The following GPC6 variants were observed in gnomAD, a reference collection of about 807,000 sequenced individuals.
GPC6 encodes the protein glypican-6.
GPC6 carries 14 observed loss-of-function variants against 55.2 expected under a neutral mutation model. The observed-to-expected ratio is 0.25, with a 90% CI of 0.17 to 0.40. GPC6 has a LOEUF of 0.40. Among genes scored for constraint, GPC6 ranks in the 10% least tolerant of loss-of-function variants. The probability of loss-of-function intolerance (pLI) is 1.00; values close to 1 mark genes in which losing one functional copy is unlikely to be tolerated. For missense variants in GPC6, 641 were observed against 708.5 expected, an observed-to-expected ratio of 0.90 and a Z score of 1.08; for synonymous variants, 278 against 259.6, an observed-to-expected ratio of 1.07 and a Z score of -0.68.
chr13:93,574,398 G>A (rs1876559427), intron 2 of GPC6, among the ~76,000 whole-genome samples: 1 of 152,122 alleles, frequency 6.6e-6, no homozygotes, highest in South Asian at 2.1e-4. Context: ...AGGATTGCTG[G>A]CAAACACTAG....
At chr13:93,412,511 G>T (rs900263752) in intron 1 of GPC6, among the ~76,000 whole-genome samples, 1 of 152,070 alleles carries the variant, frequency 6.6e-6, no homozygotes. Flanking sequence ...TCAAAAATTA[G>T]CTGGGCATGG....
intron 1 of GPC6, among the ~76,000 whole-genome samples, chr13:93,526,636 C>T (rs1425157701): frequency 6.6e-6 from 1 of 152,006 alleles, no homozygotes; most frequent in Non-Finnish European, 1.5e-5. Context: ...TTAGGAGATG[C>T]AATGACATAG....
intron 3 of GPC6, among the ~76,000 whole-genome samples, chr13:93,918,038 G>A (rs982679416): frequency 2.6e-5 from 4 of 151,792 alleles, no homozygotes; most frequent in Non-Finnish European, 4.4e-5. Context: ...CAGAGGTTGC[G>A]GTGAGCTGAG....
intron 1 of GPC6, among the ~76,000 whole-genome samples, chr13:93,279,274 A>G (rs1393405635): frequency 1.3e-5 from 2 of 152,144 alleles, no homozygotes; most frequent in African/African-American, 4.8e-5. Context: ...TTCAATTCCC[A>G]TGTGATGTTG....
intron 2 of GPC6, among the ~76,000 whole-genome samples, chr13:93,654,999 G>C (rs1168341606): frequency 1.0e-5 from 1 of 99,562 alleles, no homozygotes; most frequent in African/African-American, 3.5e-5. Context: ...ACCATGCCCG[G>C]CTAATTTTTT....
At chr13:94,082,139 T>C (rs7982039) in intron 4 of GPC6, among the ~76,000 whole-genome samples, 28,424 of 151,854 alleles carry the variant, frequency 0.19, 2,803 homozygotes, top group South Asian at 0.25. Flanking sequence ...CTGCGCCCGG[T>C]CTACTTTCCC....
At chr13:93,444,294 C>T (rs1001944661) in intron 1 of GPC6, among the ~76,000 whole-genome samples, 17 of 144,168 alleles carry the variant, frequency 1.2e-4, no homozygotes, top group African/African-American at 4.1e-4. Context: ...TATTAAGAGA[C>T]AAGAAATTGA....
intron 4 of GPC6, among the ~76,000 whole-genome samples, chr13:94,279,156 T>G (rs139148574): frequency 0.026 from 3,925 of 152,306 alleles, 74 homozygotes; most frequent in Non-Finnish European, 0.043. Flanking sequence ...CTTCCTGGTT[T>G]AGTCTTGGGA....
chr13:94,266,866 A>G (rs1891834468), intron 4 of GPC6, among the ~76,000 whole-genome samples: 1 of 152,224 alleles, frequency 6.6e-6, no homozygotes, highest in Non-Finnish European at 1.5e-5. Flanking sequence ...AGTGAAGTCA[A>G]GAGTTGAGAA....
At chr13:94,195,240 G>C (rs1889532959) in intron 4 of GPC6, among the ~76,000 whole-genome samples, 1 of 152,090 alleles carries the variant, frequency 6.6e-6, no homozygotes, top group African/African-American at 2.4e-5. Flanking sequence ...TCTTCCAGCA[G>C]TTTCTTCCTA....
At chr13:94,017,098 G>A (rs1458832206) in intron 3 of GPC6, among the ~76,000 whole-genome samples, 1 of 152,130 alleles carries the variant, frequency 6.6e-6, no homozygotes, top group African/African-American at 2.4e-5. Context: ...CTCCCAAAGT[G>A]CTGGAATTAC....
chr13:93,667,331 A>T (rs1206637715), intron 2 of GPC6, among the ~76,000 whole-genome samples: 3 of 152,154 alleles, frequency 2.0e-5, no homozygotes, highest in Non-Finnish European at 4.4e-5. Flanking sequence ...AGACGATGTA[A>T]ATCAAAGAGA....
chr13:94,288,866 AT>A (rs1275993330), intron 5 of GPC6, among the ~76,000 whole-genome samples: 6 of 48,516 alleles, frequency 1.2e-4, no homozygotes, highest in Non-Finnish European at 2.2e-4. Flanking sequence ...AAATATATAT[AT>A]TTGTTATATA....
chr13:93,417,187 G>A (rs1197733139), intron 1 of GPC6, among the ~76,000 whole-genome samples: 1 of 152,072 alleles, frequency 6.6e-6, no homozygotes, highest in Non-Finnish European at 1.5e-5. Flanking sequence ...TCACTTATAT[G>A]TATGGCTTTC....
intron 3 of GPC6, among the ~76,000 whole-genome samples, chr13:93,957,206 T>C (rs1594619538): frequency 6.6e-6 from 1 of 152,322 alleles, no homozygotes; most frequent in Middle Eastern, 3.4e-3. Context: ...TAAATATTAA[T>C]AGAAATAAAC....
chr13:93,793,451 C>T lies in GPC6; in HGVS notation c.320-36703C>T, dbSNP rs565423774. ...TTAAATAAATTTTAAAGCCCCTTGC[C>T]TTGAAATATATTTCAGAATATCACT... On this transcript the variant is annotated intron_variant, in intron 2 of 8. Coordinates refer to ENST00000377047, the MANE Select transcript of GPC6 (RefSeq NM_005708.5). 4.6e-5 allele frequency among the ~76,000 whole-genome samples: 7 copies of T among 151,492 alleles called. No individual in the cohort carries two copies. In the South Asian group the frequency reaches 1.5e-3, roughly 32 times the overall value.
In GPC6 at chr13:93,720,659, G is replaced by A. The variant is rs560047964; in HGVS notation, c.320-109495G>A. 3.9e-5 allele frequency among the ~76,000 whole-genome samples: 6 copies of A among 151,952 alleles called. No individual in the cohort carries two copies. The East Asian group carries it at 5.8e-4, about 15-fold the overall frequency. On this transcript the variant is annotated intron_variant, in intron 2 of 8. Transcript: ENST00000377047. ...TCTAGTTCTTTTAATTGTGATGTTA[G>A]GGTGTCAATTTTAGATCTTTCCCAC... is the stretch of plus-strand genomic sequence containing the variant.
At chr13:93,802,581 T>G (rs1263285013) in intron 2 of GPC6, among the ~76,000 whole-genome samples, 6 of 152,058 alleles carry the variant, frequency 3.9e-5, no homozygotes, top group Non-Finnish European at 5.9e-5. Context: ...TTGTTTGTTT[T>G]TTTGTAGAGA....
At chr13:93,601,707 C>A (rs909539464) in intron 2 of GPC6, among the ~76,000 whole-genome samples, 1 of 152,286 alleles carries the variant, frequency 6.6e-6, no homozygotes, top group East Asian at 1.9e-4. Flanking sequence ...GATGCCCAGA[C>A]CTCGGGATAT....
Sources: allele counts gnomAD v4.1 joint callset (sites outside exome capture counted in the v4.1 genomes callset), GRCh38; gene constraint gnomAD v4.1.1; transcripts MANE v1.5; gene names NCBI Gene and HGNC (gene_info 2026-07-23, HGNC 2026-07-21).